Variants in SP7 observed in about 807,000 individuals in gnomAD.
SP7 encodes Sp7 transcription factor, also known as transcription factor Sp7.
A neutral mutation model predicts 27.9 loss-of-function variants in SP7; 13 were observed. The ratio of observed to expected loss-of-function variants is 0.47; its 90% CI spans 0.30 to 0.74. SP7 has a LOEUF of 0.74. Among genes scored for constraint, SP7 ranks in the 30% least tolerant of loss-of-function variants. The pLI is 0.06. For synonymous variants in SP7, 219 were observed against 226.7 expected (o/e 0.97, Z 0.31); for missense variants, 525 against 558.0 (o/e 0.94, Z 0.60).
chr12:53,327,309 G>C lies in SP7; in HGVS notation c.*837C>G, dbSNP rs1453105712. ...CCAATTTGTAGAGACTTCATTACAAGAGAAACCCTATCAACTGAGATTCTG... is the reference window on the plus strand; with the variant it reads ...CCAATTTGTAGAGACTTCATTACAACAGAAACCCTATCAACTGAGATTCTG... On this transcript the variant is annotated 3_prime_UTR_variant, in exon 3 of 3. Transcript: ENST00000536324. 1.3e-5 allele frequency: 2 copies of C among 152,586 alleles called. No homozygotes were observed. Among genetic ancestry groups the C allele is most frequent in the African/African-American group, 2.4e-5 (1 of 41,436 alleles). 9.5% of individuals were successfully genotyped at this position (152,586 alleles called of 1,614,324 possible).
intron 2 of SP7, among the ~76,000 whole-genome samples, chr12:53,332,272 A>C (rs1192748048): frequency 6.6e-6 from 1 of 152,214 alleles, no homozygotes. Flanking sequence ...GCAATGGGGG[A>C]AGGAGGACCT....
Position 53,344,601 on chromosome 12 carries a change from G to A in SP7, c.-34+513C>T, listed in dbSNP as rs570034410. Among the ~76,000 whole-genome samples, 18 of 152,300 alleles carry A rather than the reference G, an allele frequency of 1.2e-4. No homozygotes were observed. The highest frequency in any genetic ancestry group is 3.4e-3 in the Middle Eastern group (1 of 294). Reference sequence around the variant, plus strand: ...CCCCCATCCACCCCCACCTCGCGTGGACGTGTGAGGCAAGAAGGACGGTTG... The same window carrying A: ...CCCCCATCCACCCCCACCTCGCGTGAACGTGTGAGGCAAGAAGGACGGTTG... On this transcript the variant is annotated intron_variant, in intron 1 of 1. Coordinates refer to the SP7 transcript ENST00000547755. The surrounding 1 kb of genome is among the most constrained non-coding windows in gnomAD (Gnocchi z 4.6).
chr12:53,343,052 T>C (rs1194154180), intron 1 of SP7, among the ~76,000 whole-genome samples: 1 of 151,220 alleles, frequency 6.6e-6, no homozygotes, highest in Admixed American at 6.6e-5. Flanking sequence ...TCCCAGCACT[T>C]TGGGAGGCTG....
rs544986023 is a variant in SP7, at chr12:53,342,053, G to A, written c.-34+3061C>T. Among the ~76,000 whole-genome samples, 34 of 93,230 alleles carry A rather than the reference G, an allele frequency of 3.6e-4. 1 individual carries two copies. The highest frequency in any genetic ancestry group is 1.9e-3 in the South Asian group (3 of 1,552). 61.2% of individuals were successfully genotyped at this position (93,230 alleles called of 152,430 possible). On this transcript the variant is annotated intron_variant, in intron 1 of 1. Coordinates refer to the SP7 transcript ENST00000547755. ...AGCCTGGGCGACAGAGCGAGACTCC[G>A]TCTCAAAAAAAAAAACAAAAAACAA...
chr12:53,333,736 T>C (rs1421239795), intron 2 of SP7, among the ~76,000 whole-genome samples: 6 of 152,100 alleles, frequency 3.9e-5, no homozygotes, highest in Non-Finnish European at 8.8e-5. Flanking sequence ...TGCTTCCCAC[T>C]GCCAGAGAGC....
At chr12:53,340,613 A>G (rs1944814693), upstream of SP7, among the ~76,000 whole-genome samples, 1 of 151,854 alleles carries the variant, frequency 6.6e-6, no homozygotes, top group African/African-American at 2.4e-5. Context: ...GAGCTCCCCA[A>G]CCACAGGGGC....
rs754942677 is a variant in SP7, at chr12:53,328,176, G to A, written c.1266C>T (p.Ser422=). The A allele has an allele frequency of 6.2e-7, 1 of 1,612,670 alleles. No individual in the cohort carries two copies. Among genetic ancestry groups the A allele is most frequent in the East Asian group, 2.2e-5 (1 of 44,878 alleles). The change falls in exon 3 of 3, where the codon AGC becomes AGT. Residue 422 remains serine (S), a synonymous_variant. Transcript: ENST00000536324. The surrounding 1 kb of genome is among the most constrained non-coding windows in gnomAD (Gnocchi z 5.1). Reference sequence around the variant, plus strand: ...TCTCCAGCAAGTTGCTCTGCTCAGGGCTGCCTCCAGGGGCTTTCTCTGGGG... The same window carrying A: ...TCTCCAGCAAGTTGCTCTGCTCAGGACTGCCTCCAGGGGCTTTCTCTGGGG... ...PATPEKAPGG[S]PEQSNLLEI
At chr12:53,341,468 A>G (rs1944822004) in intron 1 of SP7, among the ~76,000 whole-genome samples, 1 of 152,194 alleles carries the variant, frequency 6.6e-6, no homozygotes, top group Non-Finnish European at 1.5e-5. Flanking sequence ...AAAATGGGAC[A>G]ACATTGAATT....
Position 53,329,426 on chromosome 12 carries a change from G to A in SP7, c.22-6C>T, listed in dbSNP as rs1386720708. 6.2e-7 allele frequency: 1 copy of A among 1,613,520 alleles called. No individual in the cohort carries two copies. Among genetic ancestry groups the A allele is most frequent in the East Asian group, 2.2e-5 (1 of 44,882 alleles). Reference sequence around the variant, plus strand: ...GAGCCATAGTGAACTTCCTCCTGTGGAAAGAGGGACGCACTGCTTAGGGAG... The same window carrying A: ...GAGCCATAGTGAACTTCCTCCTGTGAAAAGAGGGACGCACTGCTTAGGGAG... On this transcript the variant is annotated splice_polypyrimidine_tract_variant and splice_region_variant and intron_variant, in intron 2 of 2. Transcript: ENST00000536324.
At chr12:53,333,108 A>G (rs539677726) in intron 2 of SP7, among the ~76,000 whole-genome samples, 1 of 152,232 alleles carries the variant, frequency 6.6e-6, no homozygotes, top group East Asian at 1.9e-4. Flanking sequence ...GGAGCGAGGA[A>G]CCAGACCCAC....
chr12:53,328,377 G>C lies in SP7; in HGVS notation c.1065C>G (p.Thr355=). 1 of 1,613,648 alleles carries C rather than the reference G, an allele frequency of 6.2e-7. No individual in the cohort carries two copies. The highest frequency in any genetic ancestry group is 8.5e-7 in the Non-Finnish European group (1 of 1,179,636). Residue 355 remains threonine, a synonymous_variant, in exon 3 of 3, where the codon ACC becomes ACG. Transcript: ENST00000536324. This position sits in a 1 kb window ranked among gnomAD's most constrained non-coding sequence, Gnocchi z 5.1. ...VRTHTREKKF[T]CLLCSKRFTR... is the part of the protein sequence containing the mutation. Reference sequence around the variant, plus strand: ...TAAAGCGCTTGGAGCAGAGCAGGCAGGTGAACTTCTTCTCCCGGGTGTGAG... The same window carrying C: ...TAAAGCGCTTGGAGCAGAGCAGGCACGTGAACTTCTTCTCCCGGGTGTGAG...
Position 53,328,891 on chromosome 12 carries a change from G to A in SP7, c.551C>T (p.Thr184Ile). 1 of 1,611,568 alleles carries A rather than the reference G, an allele frequency of 6.2e-7. No individual in the cohort carries two copies. The change falls in exon 3 of 3, where the codon ACA (threonine) becomes ATA (isoleucine). Residue 184 changes from threonine to isoleucine, a missense_variant. Physicochemically the swap from Thr to Ile is moderately conservative, Grantham distance 89 (BLOSUM62 -1). Coordinates refer to ENST00000536324, the MANE Select transcript of SP7 (RefSeq NM_001173467.3). This position sits in a 1 kb window ranked among gnomAD's most constrained non-coding sequence, Gnocchi z 5.1. ...GTTCAGTGGAGGCTGAGCTGGACCT[G>A]TGGGCAGTGTCCCTTGCAGCCCATC... ...QGDGLQGTLP[T>I]GPAQPPLNPQ...
chr12:53,327,894 T>G lies in SP7; in HGVS notation c.*252A>C, dbSNP rs1592529562. 4.2e-6 allele frequency: 2 copies of G among 474,656 alleles called. No homozygotes were observed. Among genetic ancestry groups the G allele is most frequent in the Non-Finnish European group, 7.4e-6 (2 of 269,608 alleles). 29.4% of individuals were successfully genotyped at this position (474,656 alleles called of 1,614,324 possible). ...AGGGCCAGAGTCTAGGAAGCCGGAG[T>G]GCAGGTATCAGGCACAAGGGGAGGG... On this transcript the variant is annotated 3_prime_UTR_variant, in exon 3 of 3. Coordinates refer to ENST00000536324, the MANE Select transcript of SP7 (RefSeq NM_001173467.3).
intron 1 of SP7, among the ~76,000 whole-genome samples, chr12:53,342,417 C>G (rs1476908280): frequency 8.5e-5 from 13 of 152,210 alleles, no homozygotes. Flanking sequence ...GCTAAGCACA[C>G]TGGGCTAGAC....
rs762957393 is a variant in SP7 at position 53,329,269 on chromosome 12, T to C, written c.173A>G (p.Lys58Arg). 6.2e-7 allele frequency: 1 copy of C among 1,613,712 alleles called. No homozygotes were observed. Among genetic ancestry groups the C allele is most frequent in the African/African-American group, 1.3e-5 (1 of 74,900 alleles). ...YSVGSDLSAS[K>R]TMGDAYPAPF... ...GGCTGGATAAGCATCCCCCATGGTTTTGGAGGCTGAAAGGTCACTGCCCAC... is the reference window on the plus strand; with the variant it reads ...GGCTGGATAAGCATCCCCCATGGTTCTGGAGGCTGAAAGGTCACTGCCCAC... The change falls in exon 3 of 3, where the codon AAA (lysine) becomes AGA (arginine). Residue 58 changes from lysine (K) to arginine (R), a missense_variant. By Grantham distance (26) the Lys-to-Arg change is conservative. Transcript: ENST00000536324.
At chr12:53,338,377 A>G (rs1296720644), upstream of SP7, among the ~76,000 whole-genome samples, 1 of 152,178 alleles carries the variant, frequency 6.6e-6, no homozygotes, top group Non-Finnish European at 1.5e-5. Flanking sequence ...AAATTCCTGT[A>G]TCACCAGCAG....
chr12:53,338,106 CGG>C (rs57809868), upstream of SP7, among the ~76,000 whole-genome samples: 1,924 of 135,892 alleles, frequency 0.014, 54 homozygotes, highest in African/African-American at 0.047. Context: ...TAGCCAGGTC[CGG>C]AGGAGGAGGA....
rs761737801 is a variant in SP7 at position 53,328,226 on chromosome 12, G to A, written c.1216C>T (p.Pro406Ser). Residue 406 changes from proline (P) to serine (S), a missense_variant, in exon 3 of 3, where the codon CCC (proline) becomes TCC (serine). Physicochemically the swap from Pro to Ser is moderately conservative, Grantham distance 74. Transcript: ENST00000536324. The surrounding 1 kb of genome is among the most constrained non-coding windows in gnomAD (Gnocchi z 5.1). Reference protein sequence around the residue: ...STGEEEASQTPRPSASPATPE... With the variant: ...STGEEEASQTSRPSASPATPE... Reference sequence around the variant, plus strand: ...GTTGCTGGCGAGGCAGAAGGTCGGGGCGTCTGACTGGCCTCCTCTTCCCCC... The same window carrying A: ...GTTGCTGGCGAGGCAGAAGGTCGGGACGTCTGACTGGCCTCCTCTTCCCCC... 1.5e-5 allele frequency: 25 copies of A among 1,613,000 alleles called. No homozygotes were observed. The highest frequency in any genetic ancestry group is 1.7e-6 in the Non-Finnish European group (2 of 1,179,606).
rs1217399440 is a variant in SP7 at position 53,344,519 on chromosome 12, C to T, written c.-34+595G>A. 1.3e-5 allele frequency among the ~76,000 whole-genome samples: 2 copies of T among 152,206 alleles called. No individual in the cohort carries two copies. Among genetic ancestry groups the T allele is most frequent in the Middle Eastern group, 6.3e-3 (2 of 316 alleles). ...ACTCAGCTACCAACATTAACACCTC[C>T]TCCCCACATAGCCTCAATGGGACGC... On this transcript the variant is annotated intron_variant, in intron 1 of 1. Coordinates refer to the SP7 transcript ENST00000547755. The surrounding 1 kb of genome is among the most constrained non-coding windows in gnomAD (Gnocchi z 4.6).
Sources: gnomAD v4.1 joint callset for allele counts (sites outside exome capture counted in the v4.1 genomes callset) on GRCh38, gnomAD v4.1.1 for gene constraint, Gnocchi (gnomAD v3.1) non-coding constraint, MANE v1.5 for transcripts, NCBI Gene and HGNC (gene_info 2026-07-23, HGNC 2026-07-21) for gene names.